PRSS3: variants seen among roughly 807,000 people sequenced by gnomAD.
The protein encoded by PRSS3 is serine protease 3.
A neutral mutation model predicts 20.8 loss-of-function variants in PRSS3; 14 were observed. That is an observed-to-expected ratio of 0.67 (90% CI 0.44 to 1.05). The LOEUF is 1.05. PRSS3 is among the 50% of genes least tolerant of loss of function. The pLI is 0.00. For missense variants in PRSS3, 237 were observed against 306.4 expected, an observed-to-expected ratio of 0.77 and a Z score of 1.69; for synonymous variants, 91 against 117.6, an observed-to-expected ratio of 0.77 and a Z score of 1.46.
chr9:33,752,010 G>A (rs1247638733), intron 1 of PRSS3, among the ~76,000 whole-genome samples: 3 of 152,168 alleles, frequency 2.0e-5, no homozygotes, highest in Non-Finnish European at 2.9e-5. Context: ...CCTGAGATAA[G>A]CAAAAGGTGA....
intron 1 of PRSS3, among the ~76,000 whole-genome samples, chr9:33,759,713 TCTGAGA>T (rs1456878675): frequency 2.0e-5 from 3 of 152,134 alleles, no homozygotes; most frequent in Non-Finnish European, 2.9e-5. Context: ...GATCTATGAG[TCTGAGA>T]CTTAGAGACA....
chr9:33,755,060 C>G (rs1822877987), intron 1 of PRSS3, among the ~76,000 whole-genome samples: 1 of 152,144 alleles, frequency 6.6e-6, no homozygotes, highest in Non-Finnish European at 1.5e-5. Flanking sequence ...GCAAGGACCA[C>G]TCTGAGAACT....
chr9:33,789,135 C>G (rs1351697407), intron 1 of PRSS3, among the ~76,000 whole-genome samples: 9 of 152,112 alleles, frequency 5.9e-5, no homozygotes, highest in Admixed American at 4.6e-4. Flanking sequence ...GCATTTGATA[C>G]CTTTTTGCAT....
chr9:33,783,868 C>T (rs1824276205), intron 1 of PRSS3, among the ~76,000 whole-genome samples: 1 of 131,228 alleles, frequency 7.6e-6, no homozygotes, highest in Admixed American at 8.7e-5. Flanking sequence ...CCAGCCTGAG[C>T]GACAGAGCTA....
intron 1 of PRSS3, among the ~76,000 whole-genome samples, chr9:33,787,439 T>C (rs72711742): frequency 0.034 from 5,229 of 152,256 alleles, 154 homozygotes; most frequent in Middle Eastern, 0.068. Flanking sequence ...TGTTGAAATA[T>C]CTCCTCTAAT....
At chr9:33,764,765 T>A (rs1002608436) in intron 1 of PRSS3, among the ~76,000 whole-genome samples, 3 of 152,138 alleles carry the variant, frequency 2.0e-5, no homozygotes, top group Non-Finnish European at 4.4e-5. Context: ...GGAGAAAATA[T>A]TTGCAAATAA....
chr9:33,772,026 C>T (rs1823734565), intron 1 of PRSS3, among the ~76,000 whole-genome samples: 1 of 151,952 alleles, frequency 6.6e-6, no homozygotes, highest in Non-Finnish European at 1.5e-5. Context: ...TGCCCGCCAC[C>T]ATGCCCAGCT....
At chr9:33,757,633 G>T (rs1443996221) in intron 1 of PRSS3, among the ~76,000 whole-genome samples, 1 of 152,060 alleles carries the variant, frequency 6.6e-6, no homozygotes, top group Non-Finnish European at 1.5e-5. Context: ...TCCTTCTTAG[G>T]CGACTTCAAC....
At chr9:33,788,675 T>C (rs1824509571) in intron 1 of PRSS3, among the ~76,000 whole-genome samples, 2 of 152,224 alleles carry the variant, frequency 1.3e-5, no homozygotes, top group Non-Finnish European at 1.5e-5. Flanking sequence ...AGTATGGTTC[T>C]GAAAGGTAGT....
intron 1 of PRSS3, among the ~76,000 whole-genome samples, chr9:33,768,983 A>G (rs1346651340): frequency 6.6e-6 from 1 of 152,272 alleles, no homozygotes; most frequent in Non-Finnish European, 1.5e-5. Flanking sequence ...GAACTTGGAC[A>G]GAAATGAGAA....
chr9:33,795,112 C>G (rs1587399034), upstream of PRSS3, among the ~76,000 whole-genome samples: 1 of 152,212 alleles, frequency 6.6e-6, no homozygotes, highest in Non-Finnish European at 1.5e-5. Flanking sequence ...ATAAGACTTT[C>G]CTCCTCTCGT....
chr9:33,795,421 C>T (rs1333211479), upstream of PRSS3: 8 of 1,070,656 alleles, frequency 7.5e-6, no homozygotes, highest in East Asian at 1.8e-4. Flanking sequence ...CCAAACGTAG[C>T]CGAGCTGATG....
In PRSS3 at chr9:33,775,700, G is replaced by GTTT. The variant is rs34447292; in HGVS notation, c.-52-19029_-52-19027dup. Among the ~76,000 whole-genome samples, 33 of 128,670 alleles carry GTTT rather than the reference G, an allele frequency of 2.6e-4. 1 individual carries two copies. The highest frequency in any genetic ancestry group is 2.3e-4 in the East Asian group (1 of 4,420). 84.4% of individuals were successfully genotyped at this position (128,670 alleles called of 152,430 possible). A position where few individuals can be genotyped will look rare whatever the true frequency, so the allele number is the denominator to read the frequency against. ...GGGCTGGAAATGCAATGGGCTTGAAGTTTTTTTTTTTTTTTTTTTGGAGAT... is the reference window on the plus strand; with the variant it reads ...GGGCTGGAAATGCAATGGGCTTGAAGTTTTTTTTTTTTTTTTTTTTTTGGAGAT... On this transcript the variant is annotated intron_variant, in intron 1 of 5. Transcript: ENST00000342836.
intron 1 of PRSS3, chr9:33,786,976 T>G (rs1163316101): frequency 1.7e-6 from 1 of 580,132 alleles, no homozygotes; most frequent in Middle Eastern, 3.4e-4. Context: ...TCTGTGCTTG[T>G]AGGTGGGCAT....
intron 1 of PRSS3, chr9:33,786,617 A>C: frequency 1.3e-6 from 1 of 766,452 alleles, no homozygotes; most frequent in African/African-American, 1.7e-5. Context: ...TCAAGTCGAC[A>C]GCCAAGTCAC....
At chr9:33,773,972 C>T (rs10758231) in intron 1 of PRSS3, among the ~76,000 whole-genome samples, 52,956 of 152,032 alleles carry the variant, frequency 0.35, 9,423 homozygotes, top group East Asian at 0.54. Flanking sequence ...TTTTCCTATT[C>T]GTAAGTTTGT....
chr9:33,784,676 T>C (rs1463063797), intron 1 of PRSS3, among the ~76,000 whole-genome samples: 2 of 152,236 alleles, frequency 1.3e-5, no homozygotes, highest in East Asian at 1.9e-4. Context: ...CATCGTATAA[T>C]AGAGAGAATC....
At chr9:33,786,664 C>T (rs912563290) in intron 1 of PRSS3, 38 of 766,238 alleles carry the variant, frequency 5.0e-5, no homozygotes, top group Middle Eastern at 4.5e-4. Flanking sequence ...CTGGACAGAG[C>T]GTGACACTGA....
intron 1 of PRSS3, among the ~76,000 whole-genome samples, chr9:33,756,902 G>A (rs183148452): frequency 6.6e-6 from 1 of 152,306 alleles, no homozygotes; most frequent in East Asian, 1.9e-4. Flanking sequence ...TTTTATACAT[G>A]TTTAGGGATG....
Sources: gnomAD v4.1 joint callset for allele counts (sites outside exome capture counted in the v4.1 genomes callset) on GRCh38, gnomAD v4.1.1 for gene constraint, MANE v1.5 for transcripts, NCBI Gene and HGNC (gene_info 2026-07-23, HGNC 2026-07-21) for gene names.